WWOX: variants seen among roughly 807,000 people sequenced by gnomAD.
WWOX encodes the protein WW domain containing oxidoreductase.
WWOX carries 69 observed loss-of-function variants against 46.2 expected under a neutral mutation model. The ratio of observed to expected loss-of-function variants is 1.49; its 90% CI spans 1.23 to 1.82. The LOEUF (loss-of-function observed/expected upper bound fraction) is 1.82, where lower values mean the gene tolerates loss of function less well. Among genes scored for constraint, WWOX ranks in the 40% most tolerant of loss-of-function variants. WWOX has a pLI of 0.00. For synonymous variants in WWOX, 359 were observed against 202.6 expected, an observed-to-expected ratio of 1.77 and a Z score of -6.56; for missense variants, 919 against 542.6, an observed-to-expected ratio of 1.69 and a Z score of -6.89.
intron 8 of WWOX, among the ~76,000 whole-genome samples, chr16:78,444,181 G>C (rs1441920611): frequency 6.6e-6 from 1 of 152,124 alleles, no homozygotes. Flanking sequence ...TCCCAGCTCC[G>C]TGCCGGGCTC....
intron 8 of WWOX, among the ~76,000 whole-genome samples, chr16:78,522,124 G>T (rs2043361178): frequency 6.7e-6 from 1 of 149,326 alleles, no homozygotes; most frequent in South Asian, 2.1e-4. Context: ...TGGAGGAGAA[G>T]GGAAGTGATG....
chr16:79,135,381 C>G (rs930499278), intron 8 of WWOX, among the ~76,000 whole-genome samples: 1 of 152,012 alleles, frequency 6.6e-6, no homozygotes, highest in East Asian at 1.9e-4. Context: ...TTAGTTAATT[C>G]TTTTAAAAGG....
At chr16:79,029,217 C>G in intron 8 of WWOX, among the ~76,000 whole-genome samples, 1 of 152,142 alleles carries the variant, frequency 6.6e-6, no homozygotes, top group Non-Finnish European at 1.5e-5. Flanking sequence ...ACCTTTGCCC[C>G]ACCCCGTCAC....
At chr16:78,351,101 G>C (rs879224929) in intron 5 of WWOX, among the ~76,000 whole-genome samples, 1 of 152,102 alleles carries the variant, frequency 6.6e-6, no homozygotes, top group African/African-American at 2.4e-5. Context: ...TTTTTCAGCG[G>C]TTATCAGGTC....
chr16:78,704,804 G>C (rs2048297405), intron 8 of WWOX, among the ~76,000 whole-genome samples: 1 of 152,092 alleles, frequency 6.6e-6, no homozygotes, highest in Admixed American at 6.6e-5. Context: ...ATGTTGACTT[G>C]GAAAACAACT....
chr16:78,939,993 TAA>T (rs373586895), intron 8 of WWOX, among the ~76,000 whole-genome samples: 37 of 152,354 alleles, frequency 2.4e-4, no homozygotes, highest in African/African-American at 8.4e-4. Context: ...CTGGAAATTT[TAA>T]ATCTATTTTT....
intron 1 of WWOX, among the ~76,000 whole-genome samples, chr16:78,101,875 A>G (rs1183098937): frequency 6.6e-6 from 1 of 152,210 alleles, no homozygotes; most frequent in Non-Finnish European, 1.5e-5. Context: ...CAATCTTATT[A>G]GGGCACAGTG....
chr16:79,011,653 C>T (rs1350123569), intron 8 of WWOX, among the ~76,000 whole-genome samples: 6 of 151,590 alleles, frequency 4.0e-5, no homozygotes, highest in Non-Finnish European at 7.4e-5. Context: ...CCACCATAGC[C>T]AGCTATTTTT....
chr16:78,796,262 A>G (rs1344613347), intron 8 of WWOX, among the ~76,000 whole-genome samples: 1 of 152,222 alleles, frequency 6.6e-6, no homozygotes, highest in African/African-American at 2.4e-5. Flanking sequence ...ACTGTGATTC[A>G]CTGACCCAGA....
At chr16:78,788,243 C>A (rs1029466370) in intron 8 of WWOX, among the ~76,000 whole-genome samples, 1 of 152,204 alleles carries the variant, frequency 6.6e-6, no homozygotes, top group Admixed American at 6.5e-5. Context: ...TAAACATTTA[C>A]TCCTGTGGTG....
chr16:78,799,512 C>T (rs2050829627), intron 8 of WWOX, among the ~76,000 whole-genome samples: 1 of 152,106 alleles, frequency 6.6e-6, no homozygotes, highest in Non-Finnish European at 1.5e-5. Flanking sequence ...ATATCGTCAT[C>T]ACATGTCATT....
intron 8 of WWOX, among the ~76,000 whole-genome samples, chr16:78,916,104 G>T (rs12923991): frequency 0.49 from 74,500 of 152,052 alleles, 20,787 homozygotes; most frequent in East Asian, 0.69. Flanking sequence ...CAGATTCCCA[G>T]CACAGTGTAC....
At chr16:79,116,025 C>T (rs941192120) in intron 8 of WWOX, among the ~76,000 whole-genome samples, 2 of 152,130 alleles carry the variant, frequency 1.3e-5, no homozygotes, top group African/African-American at 2.4e-5. Flanking sequence ...GTTGCTTACA[C>T]GATATAATAG....
intron 8 of WWOX, among the ~76,000 whole-genome samples, chr16:78,672,327 G>A (rs960819898): frequency 7.9e-5 from 12 of 152,238 alleles, no homozygotes; most frequent in East Asian, 5.8e-4. Flanking sequence ...AGCTCTCAAG[G>A]CGGAAGTGCT....
At chr16:78,864,143 C>T (rs969916386) in intron 8 of WWOX, among the ~76,000 whole-genome samples, 12 of 152,182 alleles carry the variant, frequency 7.9e-5, no homozygotes, top group African/African-American at 2.9e-4. Context: ...ACCTAACCAC[C>T]TACCTGGGAG....
intron 8 of WWOX, among the ~76,000 whole-genome samples, chr16:78,457,234 G>A (rs1272007471): frequency 1.3e-5 from 2 of 152,116 alleles, no homozygotes; most frequent in Non-Finnish European, 2.9e-5. Flanking sequence ...AGTTCTTCTG[G>A]AACAGGATTA....
chr16:78,588,619 G>C (rs1161337726), intron 8 of WWOX, among the ~76,000 whole-genome samples: 1 of 152,226 alleles, frequency 6.6e-6, no homozygotes, highest in Non-Finnish European at 1.5e-5. Flanking sequence ...GAGGCTCAGA[G>C]AAAGTGAGGT....
rs575941626 is a variant in WWOX at position 78,462,182 on chromosome 16, C to T, written c.1056+29430C>T. 9.2e-5 allele frequency among the ~76,000 whole-genome samples: 14 copies of T among 152,112 alleles called. No individual in the cohort carries two copies. In the South Asian group the frequency reaches 2.9e-3, roughly 32 times the overall value. ...TGGAAAAGGTAATTTAAGCAACTTG[C>T]AGCGAGGCCATTCAGAATCTCAGCG... On this transcript the variant is annotated intron_variant, in intron 8 of 8. Transcript: ENST00000566780.
chr16:78,796,014 C>T (rs568096975), intron 8 of WWOX, among the ~76,000 whole-genome samples: 3 of 152,036 alleles, frequency 2.0e-5, no homozygotes, highest in Non-Finnish European at 4.4e-5. Flanking sequence ...TCCTAAGACC[C>T]ACTAAGGAAG....
Sources: gnomAD v4.1 joint callset for allele counts (sites outside exome capture counted in the v4.1 genomes callset) on GRCh38, gnomAD v4.1.1 for gene constraint, MANE v1.5 for transcripts, NCBI Gene and HGNC (gene_info 2026-07-23, HGNC 2026-07-21) for gene names.